The following MICAL3 variants were observed in gnomAD, a reference collection of about 807,000 sequenced individuals.
The protein encoded by MICAL3 is microtubule associated monooxygenase, calponin and LIM domain containing 3.
Under a neutral mutation model 207.4 loss-of-function variants are expected in MICAL3, and 62 were observed. The ratio of observed to expected loss-of-function variants is 0.30; its 90% CI spans 0.24 to 0.37. MICAL3 has a LOEUF of 0.37. MICAL3 is among the 10% of genes least tolerant of loss of function. The pLI is 1.00. For synonymous variants in MICAL3, 1,077 were observed against 1,069.3 expected (o/e 1.01, Z -0.14); for missense variants, 2,368 against 2,635.6 (o/e 0.90, Z 2.22).
intron 1 of MICAL3, among the ~76,000 whole-genome samples, chr22:18,010,664 C>T (rs1485648362): frequency 6.6e-6 from 1 of 152,118 alleles, no homozygotes; most frequent in African/African-American, 2.4e-5. Flanking sequence ...AGAAAAGGAG[C>T]AGAGTTCCTT....
chr22:17,863,950 T>G (rs896569223), intron 19 of MICAL3: 2 of 985,326 alleles, frequency 2.0e-6, no homozygotes, highest in Non-Finnish European at 2.4e-6. Context: ...AAGAGGAAAG[T>G]GTGACAGACA....
At chr22:17,918,851 G>A (rs909923756) in intron 1 of MICAL3, among the ~76,000 whole-genome samples, 6 of 152,080 alleles carry the variant, frequency 3.9e-5, no homozygotes, top group African/African-American at 9.7e-5. Context: ...ATTATGGGCC[G>A]AGGACTCTTC....
At chr22:17,962,467 G>A (rs1354408146) in intron 1 of MICAL3, among the ~76,000 whole-genome samples, 1 of 152,170 alleles carries the variant, frequency 6.6e-6, no homozygotes, top group Non-Finnish European at 1.5e-5. Flanking sequence ...TGTGGGACCT[G>A]GGAGGAGGAC....
intron 1 of MICAL3, among the ~76,000 whole-genome samples, chr22:17,932,844 T>C (rs940516786): frequency 4.6e-5 from 7 of 152,090 alleles, no homozygotes; most frequent in Non-Finnish European, 1.0e-4. Context: ...AAACAGACTT[T>C]AAACCAACAA....
intron 27 of MICAL3, chr22:17,814,992 G>A (rs1175624977): frequency 1.3e-5 from 2 of 152,164 alleles, no homozygotes; most frequent in Non-Finnish European, 2.9e-5. Context: ...CCCCTAGCTC[G>A]ACCGTCTCCT....
intron 1 of MICAL3, among the ~76,000 whole-genome samples, chr22:17,966,539 C>G (rs1004467056): frequency 1.3e-5 from 2 of 152,182 alleles, no homozygotes; most frequent in Non-Finnish European, 2.9e-5. Flanking sequence ...AGAACCATGA[C>G]CAATCCTCAG....
chr22:17,824,129 G>T (rs1411199232), intron 22 of MICAL3, among the ~76,000 whole-genome samples: 1 of 152,148 alleles, frequency 6.6e-6, no homozygotes, highest in Non-Finnish European at 1.5e-5. Context: ...GCACCAGCAG[G>T]AAGAGGGCGG....
intron 27 of MICAL3, among the ~76,000 whole-genome samples, chr22:17,816,064 G>A (rs1403194840): frequency 1.3e-5 from 2 of 152,206 alleles, no homozygotes; most frequent in East Asian, 1.9e-4. Flanking sequence ...ATGATACTCC[G>A]CAGAGCTCCG....
At position 17,810,586 on chromosome 22, in the gene MICAL3, G is replaced by A. The variant is rs907238282; in HGVS notation, c.5556+117C>T. On this transcript the variant is annotated intron_variant, in intron 28 of 31. Coordinates refer to ENST00000441493, the MANE Select transcript of MICAL3 (RefSeq NM_015241.3). ...GGTGACCTGGGTGGCAGGGAGGCCC[G>A]TCTACCTCTGCTCTGCTCTGCACTG... 19 of 792,434 alleles carry A rather than the reference G, an allele frequency of 2.4e-5. No individual in the cohort carries two copies. In the Admixed American group the frequency reaches 2.7e-4, roughly 11 times the overall value. 49.1% of individuals were successfully genotyped at this position (792,434 alleles called of 1,614,324 possible).
chr22:17,838,508 T>A lies in MICAL3; in HGVS notation c.2801+3314A>T, dbSNP rs1268425393. Among the ~76,000 whole-genome samples the A allele has an allele frequency of 6.6e-5, 10 of 152,274 alleles. No individual in the cohort carries two copies. In the East Asian group the frequency reaches 1.9e-3, roughly 29 times the overall value. On this transcript the variant is annotated intron_variant, in intron 20 of 31. Transcript: ENST00000441493. Reference sequence around the variant, plus strand: ...AGTAACTCCGGGCATCAAGGCTTCGTCCGTGCTTTATACGACTTAATCCTC... The same window carrying A: ...AGTAACTCCGGGCATCAAGGCTTCGACCGTGCTTTATACGACTTAATCCTC...
chr22:17,917,904 G>A (rs2146291260), intron 1 of MICAL3, among the ~76,000 whole-genome samples: 1 of 152,176 alleles, frequency 6.6e-6, no homozygotes, highest in East Asian at 1.9e-4. Context: ...ATCTCCCCTG[G>A]CAGAGGTAAG....
intron 1 of MICAL3, among the ~76,000 whole-genome samples, chr22:17,936,076 G>A (rs185649465): frequency 8.5e-5 from 13 of 152,280 alleles, no homozygotes; most frequent in African/African-American, 3.1e-4. Context: ...CCATTACTGG[G>A]TATATACCCA....
At chr22:17,845,162 G>A (rs945522716) in intron 19 of MICAL3, among the ~76,000 whole-genome samples, 20 of 151,986 alleles carry the variant, frequency 1.3e-4, no homozygotes, top group African/African-American at 4.6e-4. Context: ...CCATAAATAC[G>A]GAACAAAAAG....
chr22:17,811,083 C>T, intron 27 of MICAL3: 1 of 402,666 alleles, frequency 2.5e-6, no homozygotes, highest in East Asian at 4.5e-5. Context: ...CATTTCCCCA[C>T]CTCTGCACAG....
In MICAL3 at chr22:17,997,356, G is replaced by A. The variant is rs1238869288; in HGVS notation, c.-75+26925C>T. 7.2e-5 allele frequency among the ~76,000 whole-genome samples: 11 copies of A among 152,172 alleles called. No individual in the cohort carries two copies. In the South Asian group the frequency reaches 1.5e-3, roughly 20 times the overall value. ...TGGTATTACAGGCATGAGCCACTGCGCCCGGCCCATCTGGTCTTATTAAAT... is the reference window on the plus strand; with the variant it reads ...TGGTATTACAGGCATGAGCCACTGCACCCGGCCCATCTGGTCTTATTAAAT... On this transcript the variant is annotated intron_variant, in intron 1 of 31. Transcript: ENST00000441493.
intron 1 of MICAL3, among the ~76,000 whole-genome samples, chr22:17,934,288 C>G (rs775466922): frequency 6.6e-6 from 1 of 152,178 alleles, no homozygotes; most frequent in Non-Finnish European, 1.5e-5. Flanking sequence ...TCCTAGGATG[C>G]AAGGCTGGTT....
chr22:17,885,942 G>C lies in MICAL3; in HGVS notation c.2177C>G (p.Ala726Gly). 6.2e-7 allele frequency: 1 copy of C among 1,613,988 alleles called. No individual in the cohort carries two copies. Among genetic ancestry groups the C allele is most frequent in the South Asian group, 1.1e-5 (1 of 91,088 alleles). The change falls in exon 16 of 32, where the codon GCG becomes GGG. Residue 726 changes from alanine to glycine, a missense_variant. Coordinates refer to ENST00000441493, the MANE Select transcript of MICAL3 (RefSeq NM_015241.3). Reference sequence around the variant, plus strand: ...TTCAAATTTGGCCAGCAGCTGGGTCGCCATGTACTTCACTTTGTTCTGGTT... The same window carrying C: ...TTCAAATTTGGCCAGCAGCTGGGTCCCCATGTACTTCACTTTGTTCTGGTT... ...VGNQNKVKYM[A>G]TQLLAKFEEN...
chr22:17,956,444 C>T (rs928322833), intron 1 of MICAL3, among the ~76,000 whole-genome samples: 3 of 152,064 alleles, frequency 2.0e-5, no homozygotes, highest in Non-Finnish European at 2.9e-5. Context: ...GAGGCCGAGG[C>T]GGGCCTCCTG....
intron 19 of MICAL3, among the ~76,000 whole-genome samples, chr22:17,849,231 T>C (rs1417894623): frequency 6.6e-6 from 1 of 152,220 alleles, no homozygotes; most frequent in Non-Finnish European, 1.5e-5. Context: ...TGTGATTACA[T>C]TGAGGGCTCT....
Sources: gnomAD v4.1 joint callset for allele counts (sites outside exome capture counted in the v4.1 genomes callset) on GRCh38, gnomAD v4.1.1 for gene constraint, MANE v1.5 for transcripts, NCBI Gene and HGNC (gene_info 2026-07-23, HGNC 2026-07-21) for gene names.